MID1: variants seen among roughly 807,000 people sequenced by gnomAD.
MID1 encodes midline 1, also known as E3 ubiquitin-protein ligase Midline-1.
Under a neutral mutation model 40.4 loss-of-function variants are expected in MID1, and 7 were observed. The ratio of observed to expected loss-of-function variants is 0.17; its 90% CI spans 0.10 to 0.33. MID1 has a LOEUF of 0.33. Among genes scored for constraint, MID1 ranks in the 10% least tolerant of loss-of-function variants. The pLI is 1.00. For missense variants in MID1, 367 were observed against 558.5 expected (o/e 0.66, Z 3.46); for synonymous variants, 229 against 221.2 (o/e 1.04, Z -0.31).
intron 1 of MID1, among the ~76,000 whole-genome samples, chrX:10,669,001 T>C (rs1249700197): frequency 1.8e-5 from 2 of 108,349 alleles, no homozygotes; most frequent in East Asian, 2.9e-4. Context: ...GGGTGGATCA[T>C]GAGGTCAGGA....
intron 6 of MID1, among the ~76,000 whole-genome samples, chrX:10,470,623 AG>A (rs1381400627): frequency 2.7e-5 from 3 of 112,389 alleles, no homozygotes; most frequent in Admixed American, 9.4e-5. Context: ...CATGATTCAT[AG>A]TCAATCATAT....
rs1204775618 is a variant in MID1 at position 10,666,615 on chromosome X, A to G, written c.-186-46196T>C. On this transcript the variant is annotated intron_variant, in intron 1 of 10. Transcript: ENST00000380785. ...AAATCTGGCCATTCAAATGATTTCAAAGATACTCGGCCTAGTTCTGAGCAC... is the reference window on the plus strand; with the variant it reads ...AAATCTGGCCATTCAAATGATTTCAGAGATACTCGGCCTAGTTCTGAGCAC... Among the ~76,000 whole-genome samples the G allele has an allele frequency of 6.3e-5, 7 of 111,590 alleles. No individual in the cohort carries two copies. In the Admixed American group the frequency reaches 6.7e-4, roughly 11 times the overall value.
In MID1 at chrX:10,508,239, G is replaced by A. The variant is rs746922740; in HGVS notation, c.757-12548C>T. Among the ~76,000 whole-genome samples, 3 of 112,167 alleles carry A rather than the reference G, an allele frequency of 2.7e-5. No homozygotes were observed. In the East Asian group the frequency reaches 8.4e-4, roughly 31 times the overall value. Reference sequence around the variant, plus strand: ...AACCATGGGCTACAGAAGTTCTAGAGCTGTGTGGTCCAATATGGCCACCAC... The same window carrying A: ...AACCATGGGCTACAGAAGTTCTAGAACTGTGTGGTCCAATATGGCCACCAC... On this transcript the variant is annotated intron_variant, in intron 3 of 9. Transcript: ENST00000317552.
At chrX:10,648,209 A>C (rs1936281536) in intron 1 of MID1, among the ~76,000 whole-genome samples, 1 of 112,005 alleles carries the variant, frequency 8.9e-6, no homozygotes, top group Non-Finnish European at 1.9e-5. Context: ...GAACTTGGAT[A>C]AGTCTTGCTG....
At chrX:10,719,931 A>G (rs914277993) in intron 1 of MID1, among the ~76,000 whole-genome samples, 1 of 111,995 alleles carries the variant, frequency 8.9e-6, no homozygotes, top group African/African-American at 3.2e-5. Context: ...AAACCTGACA[A>G]AAACAAGAAA....
At chrX:10,550,038 A>AT (rs1933847702) in intron 2 of MID1, among the ~76,000 whole-genome samples, 1 of 113,242 alleles carries the variant, frequency 8.8e-6, no homozygotes, top group South Asian at 3.6e-4. Flanking sequence ...CTATATAAAT[A>AT]TAAATGGTTC....
chrX:10,810,698 G>GTGTA (rs1569176372), intron 1 of MID1, among the ~76,000 whole-genome samples: 1 of 103,399 alleles, frequency 9.7e-6, no homozygotes, highest in East Asian at 2.9e-4. Context: ...TGTTTTCTCT[G>GTGTA]TGTGTGTGTG....
chrX:10,608,391 A>G (rs1013025233), intron 1 of MID1, among the ~76,000 whole-genome samples: 2 of 112,152 alleles, frequency 1.8e-5, no homozygotes, highest in East Asian at 5.6e-4. Flanking sequence ...ACCAAGGAAC[A>G]TTACTCAGCA....
chrX:10,641,238 T>G (rs1936191054), intron 1 of MID1, among the ~76,000 whole-genome samples: 1 of 111,670 alleles, frequency 9.0e-6, no homozygotes, highest in East Asian at 2.8e-4. Flanking sequence ...GGAGCTGGTT[T>G]TTTGAAAAGA....
chrX:10,774,893 TTC>T (rs2147128797), intron 1 of MID1, among the ~76,000 whole-genome samples: 1 of 111,664 alleles, frequency 9.0e-6, no homozygotes, highest in East Asian at 2.8e-4. Flanking sequence ...CTAAGTCCAC[TTC>T]AAATCTCAAT....
intron 2 of MID1, among the ~76,000 whole-genome samples, chrX:10,549,433 G>A (rs776975742): frequency 3.5e-5 from 4 of 112,997 alleles, no homozygotes; most frequent in Non-Finnish European, 7.5e-5. Flanking sequence ...ATGGCCCATG[G>A]GCCAAATCCG....
At chrX:10,465,208 T>TACACAC (rs1458970259) in intron 7 of MID1, among the ~76,000 whole-genome samples, 4 of 65,124 alleles carry the variant, frequency 6.1e-5, no homozygotes, top group African/African-American at 3.4e-4. Context: ...TATATATATA[T>TACACAC]ATATATACAC....
At chrX:10,466,163 C>G (rs1405421361) in intron 7 of MID1, among the ~76,000 whole-genome samples, 1 of 111,904 alleles carries the variant, frequency 8.9e-6, no homozygotes, top group African/African-American at 3.3e-5. Context: ...ACCTGCTCTT[C>G]TCAGACCTTC....
intron 3 of MID1, chrX:10,505,803 T>G: frequency 1.3e-6 from 1 of 752,926 alleles, no homozygotes; most frequent in Non-Finnish European, 1.6e-6. Context: ...TTATTTCTCA[T>G]TAAGTGACAT....
In MID1 at chrX:10,740,023, A is replaced by T. The variant is rs186859078; in HGVS notation, c.-187+93531T>A. On this transcript the variant is annotated intron_variant, in intron 1 of 10. Coordinates refer to the MID1 transcript ENST00000380785. ...TCCAAACTGCAACCCAAGAAGATAT[A>T]TTGATCTAGAAAATGTTTATACAAC... 2.7e-5 allele frequency among the ~76,000 whole-genome samples: 3 copies of T among 112,994 alleles called. No homozygotes were observed. The East Asian group carries it at 8.4e-4, about 31-fold the overall frequency.
intron 2 of MID1, among the ~76,000 whole-genome samples, chrX:10,533,817 C>T (rs1933133453): frequency 8.9e-6 from 1 of 111,735 alleles, no homozygotes; most frequent in African/African-American, 3.2e-5. Context: ...TAAGAAATGA[C>T]AATCTTCAAT....
intron 3 of MID1, among the ~76,000 whole-genome samples, chrX:10,521,120 G>T (rs1932682567): frequency 1.2e-5 from 1 of 83,533 alleles, no homozygotes; most frequent in African/African-American, 4.4e-5. Context: ...GTGTGTATGG[G>T]AGGGGGGCGG....
intron 2 of MID1, among the ~76,000 whole-genome samples, chrX:10,538,268 C>T (rs958467441): frequency 1.8e-5 from 2 of 111,572 alleles, no homozygotes; most frequent in African/African-American, 6.5e-5. Flanking sequence ...CCACCATGCC[C>T]GGCCTCGATC....
rs191252657 is a variant in MID1, at chrX:10,453,122, G to A, written c.1655+1748C>T. 2.1e-3 allele frequency among the ~76,000 whole-genome samples: 239 copies of A among 111,544 alleles called. 1 individual carries two copies. The highest frequency in any genetic ancestry group is 6.8e-3 in the African/African-American group (210 of 30,726). On this transcript the variant is annotated intron_variant, in intron 9 of 9. Transcript: ENST00000317552. ...GTGAAGGATTTGTCCTCCATCCTCT[G>A]GCAGGATGTTGGAACAGAAAACTCT... is the stretch of plus-strand genomic sequence containing the variant.
Sources: allele counts gnomAD v4.1 joint callset (sites outside exome capture counted in the v4.1 genomes callset), GRCh38; gene constraint gnomAD v4.1.1; transcripts MANE v1.5; gene names NCBI Gene and HGNC (gene_info 2026-07-23, HGNC 2026-07-21).